Variants in CADM1 observed in about 807,000 individuals in gnomAD.
CADM1 encodes cell adhesion molecule 1, also known as TSLC-1.
CADM1 carries 15 observed loss-of-function variants against 53.1 expected under a neutral mutation model. The ratio of observed to expected loss-of-function variants is 0.28; its 90% CI spans 0.19 to 0.44. The LOEUF is 0.44. Ranked by LOEUF, CADM1 falls within the 20% of genes least tolerant of loss-of-function variation. CADM1 has a pLI of 1.00. For synonymous variants in CADM1, 281 were observed against 243.0 expected (o/e 1.16, Z -1.45); for missense variants, 434 against 611.3 (o/e 0.71, Z 3.06).
At chr11:115,327,424 TA>T (rs1944986724) in intron 1 of CADM1, among the ~76,000 whole-genome samples, 1 of 152,208 alleles carries the variant, frequency 6.6e-6, no homozygotes, top group Admixed American at 6.5e-5. Flanking sequence ...AAATCTGCAT[TA>T]AGAATGCTTT....
chr11:115,403,205 A>G (rs1283211766), intron 1 of CADM1, among the ~76,000 whole-genome samples: 3 of 152,206 alleles, frequency 2.0e-5, no homozygotes, highest in Non-Finnish European at 4.4e-5. Flanking sequence ...CCATGAGAAA[A>G]TATCAAAAAA....
chr11:115,355,123 G>C (rs1945830694), intron 1 of CADM1, among the ~76,000 whole-genome samples: 2 of 152,242 alleles, frequency 1.3e-5, no homozygotes, highest in Non-Finnish European at 2.9e-5. Context: ...TCATTCAAAA[G>C]TCATCTCAAG....
At chr11:115,281,983 A>G (rs889963288) in intron 1 of CADM1, among the ~76,000 whole-genome samples, 20 of 152,220 alleles carry the variant, frequency 1.3e-4, no homozygotes, top group African/African-American at 4.3e-4. Context: ...TCTACAAAGT[A>G]AAACATGTAT....
intron 1 of CADM1, among the ~76,000 whole-genome samples, chr11:115,356,647 C>T (rs770088366): frequency 3.8e-4 from 58 of 152,096 alleles, no homozygotes; most frequent in Middle Eastern, 6.8e-3. Flanking sequence ...TTTAAAGTAG[C>T]CCTTTCAACA....
rs567988806 is a variant in CADM1 at position 115,236,713 on chromosome 11, T to G, written c.424+1787A>C. ...ACTGCTTGCCAATGGCTAGACATAC[T>G]CCTGAAAACAAAAGATGTGTGCCTT... On this transcript the variant is annotated intron_variant, in intron 3 of 11. Coordinates refer to ENST00000331581, the MANE Select transcript of CADM1 (RefSeq NM_001301043.2). Among the ~76,000 whole-genome samples, 19 of 151,928 alleles carry G rather than the reference T, an allele frequency of 1.3e-4. 1 individual carries two copies. Among genetic ancestry groups the G allele is most frequent in the Non-Finnish European group, 2.6e-4 (18 of 67,982 alleles).
intron 5 of CADM1, among the ~76,000 whole-genome samples, chr11:115,228,281 T>C (rs1024504486): frequency 2.0e-5 from 3 of 152,240 alleles, no homozygotes; most frequent in Non-Finnish European, 4.4e-5. Flanking sequence ...TATTTTAAGC[T>C]ACCAAGTTTG....
intron 1 of CADM1, among the ~76,000 whole-genome samples, chr11:115,341,271 G>C (rs1451561034): frequency 6.6e-6 from 1 of 152,120 alleles, no homozygotes. Flanking sequence ...TTATTTCAGT[G>C]ACTAGGATAA....
At chr11:115,274,022 C>T (rs1194803611) in intron 1 of CADM1, among the ~76,000 whole-genome samples, 1 of 152,218 alleles carries the variant, frequency 6.6e-6, no homozygotes, top group Non-Finnish European at 1.5e-5. Flanking sequence ...CTATTTTCCT[C>T]CCTGAAAATC....
intron 10 of CADM1, among the ~76,000 whole-genome samples, chr11:115,188,962 GTAAT>G (rs1939710458): frequency 6.6e-6 from 1 of 151,856 alleles, no homozygotes; most frequent in Admixed American, 6.6e-5. Flanking sequence ...ACAATCAATA[GTAAT>G]TGATTAATCA....
At chr11:115,319,434 C>T (rs531106411) in intron 1 of CADM1, among the ~76,000 whole-genome samples, 1 of 152,218 alleles carries the variant, frequency 6.6e-6, no homozygotes, top group South Asian at 2.1e-4. Flanking sequence ...ACCATACGTG[C>T]CCTGGATTGC....
chr11:115,330,227 A>T (rs1224169731), intron 1 of CADM1, among the ~76,000 whole-genome samples: 1 of 151,678 alleles, frequency 6.6e-6, no homozygotes, highest in African/African-American at 2.4e-5. Context: ...TACAATGGAG[A>T]TTTATTTTAT....
At chr11:115,439,064 C>T (rs866480358) in intron 1 of CADM1, among the ~76,000 whole-genome samples, 33 of 152,270 alleles carry the variant, frequency 2.2e-4, no homozygotes, top group South Asian at 4.1e-4. Context: ...CTACCTGCCA[C>T]GCACAGCAGC....
intron 1 of CADM1, among the ~76,000 whole-genome samples, chr11:115,387,794 G>A (rs1011680636): frequency 1.3e-5 from 2 of 151,844 alleles, no homozygotes; most frequent in African/African-American, 2.4e-5. Flanking sequence ...GCATGTGTGT[G>A]TATATTATTT....
chr11:115,195,565 G>C (rs1305817287), intron 9 of CADM1, among the ~76,000 whole-genome samples: 1 of 152,156 alleles, frequency 6.6e-6, no homozygotes, highest in East Asian at 1.9e-4. Context: ...TCTAGGCCCA[G>C]ATCACCACAA....
chr11:115,345,369 G>A (rs930339216), intron 1 of CADM1, among the ~76,000 whole-genome samples: 2 of 152,130 alleles, frequency 1.3e-5, no homozygotes, highest in African/African-American at 4.8e-5. Flanking sequence ...CCTCTGCTCT[G>A]AAAATGTCAG....
intron 1 of CADM1, among the ~76,000 whole-genome samples, chr11:115,370,916 T>A (rs1946291375): frequency 6.6e-6 from 1 of 152,118 alleles, no homozygotes; most frequent in Non-Finnish European, 1.5e-5. Context: ...AACGAAGACT[T>A]CCATTTCTCA....
At chr11:115,393,047 A>G (rs1946878999) in intron 1 of CADM1, among the ~76,000 whole-genome samples, 1 of 138,998 alleles carries the variant, frequency 7.2e-6, no homozygotes, top group Non-Finnish European at 1.5e-5. Context: ...TGGGCAACAT[A>G]GCGAGACCCC....
chr11:115,355,248 G>GTA (rs1945834880), intron 1 of CADM1, among the ~76,000 whole-genome samples: 1 of 152,164 alleles, frequency 6.6e-6, no homozygotes, highest in Non-Finnish European at 1.5e-5. Flanking sequence ...AGAAAATGTG[G>GTA]TATATATACA....
Position 115,284,104 on chromosome 11 carries a change from CTCTCTCTCTCTGTG to C in CADM1, c.125-43698_125-43685del, listed in dbSNP as rs1366976026. ...GCCCAGACACTCTCTCTCTCTCTCT[CTCTCTCTCTCTGTG>C]TGTGTGTGTGTGTGTGTGTGTGTGT... On this transcript the variant is annotated intron_variant, in intron 1 of 11. Transcript: ENST00000331581. 2.9e-4 allele frequency among the ~76,000 whole-genome samples: 40 copies of C among 136,228 alleles called. 1 individual carries two copies. The highest frequency in any genetic ancestry group is 1.1e-3 in the African/African-American group (37 of 34,710). 89.4% of individuals were successfully genotyped at this position (136,228 alleles called of 152,430 possible).
Sources: allele counts gnomAD v4.1 joint callset (sites outside exome capture counted in the v4.1 genomes callset), GRCh38; gene constraint gnomAD v4.1.1; transcripts MANE v1.5; gene names NCBI Gene and HGNC (gene_info 2026-07-23, HGNC 2026-07-21).